PCDHGB5: variants seen among roughly 807,000 people sequenced by gnomAD.
PCDHGB5 encodes the protein protocadherin gamma subfamily B, 5.
Under a neutral mutation model 62.9 loss-of-function variants are expected in PCDHGB5, and 48 were observed. That is an observed-to-expected ratio of 0.76 (90% CI 0.61 to 0.97). The LOEUF (loss-of-function observed/expected upper bound fraction) is 0.97, where lower values mean the gene tolerates loss of function less well. PCDHGB5 is among the 50% of genes least tolerant of loss of function. The pLI is 0.00. For missense variants in PCDHGB5, 1,118 were observed against 1,198.6 expected (o/e 0.93, Z 0.99); for synonymous variants, 474 against 511.2 (o/e 0.93, Z 0.98).
At chr5:141,449,251 A>T (rs918418872) in intron 1 of PCDHGB5, among the ~76,000 whole-genome samples, 10 of 152,256 alleles carry the variant, frequency 6.6e-5, no homozygotes, top group Middle Eastern at 3.4e-3. Flanking sequence ...AGTTGCAAGA[A>T]TTGTACAAAG....
At position 141,512,815 on chromosome 5, in the gene PCDHGB5, A is replaced by AC. The variant is rs1215322144; in HGVS notation, c.*1647dup. ...TGTGCTGTGTCCACGCGCTAAGGCG[A>AC]CCCCCTCCCCCGTACTGACTTCTCC... is the stretch of plus-strand genomic sequence containing the variant. On this transcript the variant is annotated 3_prime_UTR_variant, in exon 4 of 4. Coordinates refer to ENST00000617380, the MANE Select transcript of PCDHGB5 (RefSeq NM_018925.3). The AC allele has an allele frequency of 6.7e-6, 1 of 149,682 alleles. No homozygotes were observed. The highest frequency in any genetic ancestry group is 1.5e-5 in the Non-Finnish European group (1 of 67,474). 9.3% of individuals were successfully genotyped at this position (149,682 alleles called of 1,614,324 possible).
chr5:141,448,903 C>A (rs1460471063), intron 1 of PCDHGB5, among the ~76,000 whole-genome samples: 2 of 152,112 alleles, frequency 1.3e-5, no homozygotes, highest in Non-Finnish European at 2.9e-5. Context: ...CGAGATCGTG[C>A]CACTGCACTC....
chr5:141,403,796 T>C (rs1028690414), intron 1 of PCDHGB5: 3 of 1,613,866 alleles, frequency 1.9e-6, no homozygotes, highest in Non-Finnish European at 1.7e-6. Flanking sequence ...ATACAAATTC[T>C]GGAAAATTAA....
In PCDHGB5 at chr5:141,467,461, A is replaced by G. The variant is rs1330947379; in HGVS notation, c.2398-27346A>G. ...ATTACTTTTTTCTTCCAGTGCTAGT[A>G]CTTGCATGGTTTTTGGTTTCCACAT... On this transcript the variant is annotated intron_variant, in intron 1 of 3. Coordinates refer to ENST00000617380, the MANE Select transcript of PCDHGB5 (RefSeq NM_018925.3). 2.6e-5 allele frequency among the ~76,000 whole-genome samples: 4 copies of G among 152,158 alleles called. No homozygotes were observed. The South Asian group carries it at 8.3e-4, about 31-fold the overall frequency.
chr5:141,487,067 G>C lies in PCDHGB5; in HGVS notation c.2398-7740G>C, dbSNP rs765539804. 3 of 1,614,048 alleles carry C rather than the reference G, an allele frequency of 1.9e-6. No individual in the cohort carries two copies. The highest frequency in any genetic ancestry group is 3.3e-5 in the Admixed American group (2 of 60,010). ...ATATGCTGGGGAGGTGCGGACGGCT[G>C]TTCCTATCCCAGCTGACCTCCCACC... On this transcript the variant is annotated intron_variant, in intron 1 of 3. Coordinates refer to ENST00000617380, the MANE Select transcript of PCDHGB5 (RefSeq NM_018925.3). The surrounding 1 kb of genome is among the most constrained non-coding windows in gnomAD (Gnocchi z 5.0).
Position 141,486,151 on chromosome 5 carries a change from T to C in PCDHGB5, c.2398-8656T>C, listed in dbSNP as rs570065848. The C allele has an allele frequency of 2.7e-5, 44 of 1,613,914 alleles. No individual in the cohort carries two copies. In the South Asian group the frequency reaches 4.3e-4, roughly 16 times the overall value. ...TTGATGTGCGGGCTCGCGATGGGGGTTCTCCAGCCATGGAGCAACATTGCA... is the reference window on the plus strand; with the variant it reads ...TTGATGTGCGGGCTCGCGATGGGGGCTCTCCAGCCATGGAGCAACATTGCA... On this transcript the variant is annotated intron_variant, in intron 1 of 3. Transcript: ENST00000617380. The surrounding 1 kb of genome is among the most constrained non-coding windows in gnomAD (Gnocchi z 5.0).
rs146748846 is a variant in PCDHGB5 at position 141,452,937 on chromosome 5, G to C, written c.2398-41870G>C. 4.0e-4 allele frequency among the ~76,000 whole-genome samples: 61 copies of C among 152,254 alleles called. No individual in the cohort carries two copies. The East Asian group carries it at 0.01, about 26-fold the overall frequency. On this transcript the variant is annotated intron_variant, in intron 1 of 3. Coordinates refer to ENST00000617380, the MANE Select transcript of PCDHGB5 (RefSeq NM_018925.3). The stretch of plus-strand genomic sequence containing the variant: ...AGTAAGAAAGAGCTGCTGAAGATTT[G>C]CTTGCAATTGGTTGTCTTTAAACTG...
At chr5:141,405,457 T>TC in intron 1 of PCDHGB5, 3 of 1,256,668 alleles carry the variant, frequency 2.4e-6, no homozygotes, top group South Asian at 1.4e-5. Context: ...TCTTACTCTG[T>TC]TACCCAGGCT....
Position 141,491,687 on chromosome 5 carries a change from G to A in PCDHGB5, c.2398-3120G>A. On this transcript the variant is annotated intron_variant, in intron 1 of 3. Transcript: ENST00000617380. This position sits in a 1 kb window ranked among gnomAD's most constrained non-coding sequence, Gnocchi z 6.9. Reference sequence around the variant, plus strand: ...ATCCGGTCCCGCTCTAATACGCTGCGGGAGCGGAGCCAGGTGAGGGGCTCG... The same window carrying A: ...ATCCGGTCCCGCTCTAATACGCTGCAGGAGCGGAGCCAGGTGAGGGGCTCG... The A allele has an allele frequency of 6.2e-7, 1 of 1,613,072 alleles. No homozygotes were observed. The highest frequency in any genetic ancestry group is 8.5e-7 in the Non-Finnish European group (1 of 1,179,608).
At position 141,511,349 on chromosome 5, in the gene PCDHGB5, C is replaced by CG; in HGVS notation, c.*176_*177insG. On this transcript the variant is annotated 3_prime_UTR_variant, in exon 4 of 4. Coordinates refer to ENST00000617380, the MANE Select transcript of PCDHGB5 (RefSeq NM_018925.3). The stretch of plus-strand genomic sequence containing the variant: ...GCCCAGTCAGCACCTACCCCTTCCC[C>CG]CCCAGGGGGTTGAATATGCAAAAGC... 7.1e-7 allele frequency: 1 copy of CG among 1,401,498 alleles called. No homozygotes were observed. Among genetic ancestry groups the CG allele is most frequent in the African/African-American group, 1.5e-5 (1 of 68,948 alleles). 86.8% of individuals were successfully genotyped at this position (1,401,498 alleles called of 1,614,324 possible).
rs538734954 is a variant in PCDHGB5 at position 141,494,863 on chromosome 5, C to T, written c.2454C>T (p.Ser818=). The change falls in exon 2 of 4, where the codon AGC becomes AGT. Residue 818 remains serine, a splice_region_variant and synonymous_variant. Coordinates refer to ENST00000617380, the MANE Select transcript of PCDHGB5 (RefSeq NM_018925.3). The part of the protein sequence containing the change: ...RFSQAQRPGT[S]GSQNGDDTGT... ...CTCAGGCCCAGAGACCCGGCACCAG[C>T]GGGTAGGTGACTGATTCTCCAGCCC... 2 of 1,614,118 alleles carry T rather than the reference C, an allele frequency of 1.2e-6. No individual in the cohort carries two copies. Among genetic ancestry groups the T allele is most frequent in the East Asian group, 2.2e-5 (1 of 44,874 alleles).
chr5:141,413,900 AC>A, intron 1 of PCDHGB5: 1 of 1,613,126 alleles, frequency 6.2e-7, no homozygotes. Flanking sequence ...GCAAATGACA[AC>A]GCGCCGGTCT....
chr5:141,452,010 G>A (rs955708033), intron 1 of PCDHGB5, among the ~76,000 whole-genome samples: 1 of 152,192 alleles, frequency 6.6e-6, no homozygotes, highest in African/African-American at 2.4e-5. Context: ...ACTTGGTCCA[G>A]CCCACACTCT....
chr5:141,429,547 A>C (rs2097222392), intron 1 of PCDHGB5, among the ~76,000 whole-genome samples: 1 of 152,196 alleles, frequency 6.6e-6, no homozygotes, highest in Non-Finnish European at 1.5e-5. Flanking sequence ...AGAACATGGT[A>C]ATGATTTGAT....
At chr5:141,483,656 G>A (rs1345435222) in intron 1 of PCDHGB5, among the ~76,000 whole-genome samples, 1 of 151,984 alleles carries the variant, frequency 6.6e-6, no homozygotes, top group Non-Finnish European at 1.5e-5. Flanking sequence ...GTTTGTGTGT[G>A]TGTGTGTGTG....
At chr5:141,444,864 A>G (rs1304165078) in intron 1 of PCDHGB5, among the ~76,000 whole-genome samples, 1 of 152,210 alleles carries the variant, frequency 6.6e-6, no homozygotes, top group African/African-American at 2.4e-5. Context: ...GTCTTACTAC[A>G]GGACAAAGCT....
intron 2 of PCDHGB5, among the ~76,000 whole-genome samples, chr5:141,499,573 A>AT (rs2099792803): frequency 1.3e-5 from 2 of 152,108 alleles, no homozygotes; most frequent in Non-Finnish European, 2.9e-5. Context: ...AGCTTCAACT[A>AT]ATGCCTTATC....
chr5:141,468,433 A>G (rs2099167290), intron 1 of PCDHGB5: 1 of 152,202 alleles, frequency 6.6e-6, no homozygotes, highest in Non-Finnish European at 1.5e-5. Context: ...GGTAATAGCA[A>G]AATGTGGGTG....
At chr5:141,475,955 C>G (rs1562050812) in intron 1 of PCDHGB5, 8 of 800,218 alleles carry the variant, frequency 1.0e-5, no homozygotes, top group South Asian at 1.9e-5. Flanking sequence ...TTCTGCGCCC[C>G]GGGATGAGGC....
Sources: allele counts gnomAD v4.1 joint callset (sites outside exome capture counted in the v4.1 genomes callset), GRCh38; gene constraint gnomAD v4.1.1; non-coding constraint Gnocchi (gnomAD v3.1); transcripts MANE v1.5; gene names NCBI Gene and HGNC (gene_info 2026-07-23, HGNC 2026-07-21).